The following GSE1 variants were observed in gnomAD, a reference collection of about 807,000 sequenced individuals.
GSE1 encodes Gse1 coiled-coil protein.
GSE1 carries 32 observed loss-of-function variants against 112.6 expected under a neutral mutation model. That is an observed-to-expected ratio of 0.28 (90% CI 0.21 to 0.38). GSE1 has a LOEUF of 0.38. Among genes scored for constraint, GSE1 ranks in the 10% least tolerant of loss-of-function variants. The pLI, the probability that GSE1 is intolerant of heterozygous loss-of-function variation, is 1.00. For missense variants in GSE1, 2,348 were observed against 1,699.2 expected, an observed-to-expected ratio of 1.38 and a Z score of -6.71; for synonymous variants, 1,115 against 735.6, an observed-to-expected ratio of 1.52 and a Z score of -8.35.
chr16:85,303,304 G>A (rs2151464991), intron 1 of GSE1, among the ~76,000 whole-genome samples: 1 of 152,352 alleles, frequency 6.6e-6, no homozygotes, highest in African/African-American at 2.4e-5. Context: ...CCCCAGTCAT[G>A]CTGAGGTCAG....
chr16:85,474,479 G>C (rs2050391457), intron 2 of GSE1, among the ~76,000 whole-genome samples: 1 of 152,106 alleles, frequency 6.6e-6, no homozygotes, highest in Non-Finnish European at 1.5e-5. Context: ...CCCCGGCGGG[G>C]AGTCACATTT....
chr16:85,306,409 A>T (rs1162065277), intron 1 of GSE1: 3 of 153,292 alleles, frequency 2.0e-5, no homozygotes, highest in Non-Finnish European at 4.4e-5. Context: ...GGGCGTGGTC[A>T]CATGGTCGTT....
intron 1 of GSE1, among the ~76,000 whole-genome samples, chr16:85,174,795 G>T (rs1390904987): frequency 2.6e-5 from 4 of 152,248 alleles, no homozygotes; most frequent in Non-Finnish European, 4.4e-5. Flanking sequence ...GAGAGCTGGG[G>T]CTCCGGGCAG....
At chr16:85,299,796 C>A (rs2045468458) in intron 1 of GSE1, among the ~76,000 whole-genome samples, 2 of 151,836 alleles carry the variant, frequency 1.3e-5, no homozygotes. Flanking sequence ...AAAATTTAGC[C>A]AAGTGTGGTG....
rs8059362 is a variant in GSE1 at position 85,264,155 on chromosome 16, G to A, written c.2283+92348G>A. Among the ~76,000 whole-genome samples, 14 of 152,212 alleles carry A rather than the reference G, an allele frequency of 9.2e-5. 1 individual carries two copies. In the South Asian group the frequency reaches 2.9e-3, roughly 32 times the overall value. ...TTATGGGGCACAACCTGTTGTGGGAGGGTGGGGGGCAGCTGGAGCTTGGAG... is the reference window on the plus strand; with the variant it reads ...TTATGGGGCACAACCTGTTGTGGGAAGGTGGGGGGCAGCTGGAGCTTGGAG... On this transcript the variant is annotated intron_variant, in intron 1 of 2. Coordinates refer to the GSE1 transcript ENST00000637419.
At chr16:85,255,627 A>T (rs1382005239) in intron 1 of GSE1, among the ~76,000 whole-genome samples, 1 of 149,938 alleles carries the variant, frequency 6.7e-6, no homozygotes, top group African/African-American at 2.5e-5. Context: ...CTGGTGTCGA[A>T]CTCCTGACCT....
At chr16:85,177,974 C>T (rs990449244) in intron 1 of GSE1, among the ~76,000 whole-genome samples, 2 of 152,188 alleles carry the variant, frequency 1.3e-5, no homozygotes, top group Non-Finnish European at 2.9e-5. Context: ...ACTAACTGAA[C>T]AACGTGTGTC....
chr16:85,231,899 G>C (rs965925168), intron 1 of GSE1, among the ~76,000 whole-genome samples: 1 of 152,248 alleles, frequency 6.6e-6, no homozygotes, highest in African/African-American at 2.4e-5. Context: ...CATGGTGCTG[G>C]CCTCTGGGGA....
intron 1 of GSE1, among the ~76,000 whole-genome samples, chr16:85,214,730 C>T (rs1341190845): frequency 1.3e-5 from 2 of 152,278 alleles, no homozygotes; most frequent in South Asian, 2.1e-4. Flanking sequence ...GGGGTGCAGG[C>T]GACTAGAGCC....
chr16:85,243,728 G>A (rs12924184), intron 1 of GSE1, among the ~76,000 whole-genome samples: 11,687 of 152,248 alleles, frequency 0.077, 758 homozygotes, highest in African/African-American at 0.18. Flanking sequence ...ATGTGTGGAC[G>A]CGTGGCAGAT....
intron 2 of GSE1, among the ~76,000 whole-genome samples, chr16:85,531,890 T>TC (rs1285036667): frequency 6.6e-6 from 1 of 152,072 alleles, no homozygotes; most frequent in Non-Finnish European, 1.5e-5. Flanking sequence ...TTTTGGCTGA[T>TC]TGAGGCTCTC....
intron 2 of GSE1, among the ~76,000 whole-genome samples, chr16:85,642,709 C>G (rs1288424830): frequency 6.6e-6 from 1 of 152,252 alleles, no homozygotes; most frequent in Non-Finnish European, 1.5e-5. Flanking sequence ...CCGTTCTGTT[C>G]TCTCCACCGT....
intron 2 of GSE1, among the ~76,000 whole-genome samples, chr16:85,438,872 C>T (rs1055542418): frequency 6.6e-6 from 1 of 152,194 alleles, no homozygotes; most frequent in Admixed American, 6.5e-5. Flanking sequence ...CCGTACTGAC[C>T]ACTGCGTCCT....
In GSE1 at chr16:85,634,046, G is replaced by C; in HGVS notation, c.140G>C (p.Ser47Thr). The part of the protein sequence containing the change: ...ALVPSGSPAT[S>T]SALSAQAAPS... ...GTGCCCAGCGGCAGCCCCGCCACCAGCAGCGCGCTGTCGGCCCAGGCCGCG... is the reference window on the plus strand; with the variant it reads ...GTGCCCAGCGGCAGCCCCGCCACCACCAGCGCGCTGTCGGCCCAGGCCGCG... The change falls in exon 2 of 16, where the codon AGC becomes ACC. Residue 47 changes from serine (S) to threonine (T), a missense_variant. Transcript: ENST00000253458. 6.2e-7 allele frequency: 1 copy of C among 1,609,722 alleles called. No individual in the cohort carries two copies. Among genetic ancestry groups the C allele is most frequent in the Non-Finnish European group, 8.5e-7 (1 of 1,178,182 alleles).
rs935767209 is a variant in GSE1, at chr16:85,373,408, AG to A, written c.2464+15766del. On this transcript the variant is annotated intron_variant, in intron 2 of 2. Transcript: ENST00000637419. The surrounding 1 kb of genome is among the most constrained non-coding windows in gnomAD (Gnocchi z 5.1). ...TCAAACAGACAAAAAATGGAAAGAA[AG>A]CAAGGGAGGGAAGAGCAGAGGAGGG... is the stretch of plus-strand genomic sequence containing the variant. 3.9e-5 allele frequency among the ~76,000 whole-genome samples: 6 copies of A among 152,158 alleles called. No homozygotes were observed. The highest frequency in any genetic ancestry group is 1.4e-4 in the African/African-American group (6 of 41,440).
At position 85,293,190 on chromosome 16, in the gene GSE1, T is replaced by G. The variant is rs147450347; in HGVS notation, c.2284-64273T>G. Among the ~76,000 whole-genome samples, 32 of 152,200 alleles carry G rather than the reference T, an allele frequency of 2.1e-4. 1 individual carries two copies. In the East Asian group the frequency reaches 6.0e-3, roughly 28 times the overall value. On this transcript the variant is annotated intron_variant, in intron 1 of 2. Coordinates refer to the GSE1 transcript ENST00000637419. The stretch of plus-strand genomic sequence containing the variant: ...TGTACTTTTTCTGTTAGTGATTGGA[T>G]GAGTGATAGGCCTGTGGTAGTGTCC...
At chr16:85,569,234 A>G (rs2151320917) in intron 1 of GSE1, among the ~76,000 whole-genome samples, 1 of 152,260 alleles carries the variant, frequency 6.6e-6, no homozygotes, top group South Asian at 2.1e-4. Context: ...CGCTGAGCCC[A>G]GGTGTCTGGG....
chr16:85,597,962 A>G (rs546378363), intron 1 of GSE1, among the ~76,000 whole-genome samples: 1 of 152,064 alleles, frequency 6.6e-6, no homozygotes, highest in Non-Finnish European at 1.5e-5. Flanking sequence ...GGGTATTCAG[A>G]AGGGTGTCCT....
At chr16:85,405,086 GGCC>G (rs1567741530) in intron 2 of GSE1, among the ~76,000 whole-genome samples, 1 of 2,810 alleles carries the variant, frequency 3.6e-4, no homozygotes, top group Non-Finnish European at 1.1e-3. Context: ...TTACACTCAG[GGCC>G]CCCCCGGATA....
Sources: allele counts gnomAD v4.1 joint callset (sites outside exome capture counted in the v4.1 genomes callset), GRCh38; gene constraint gnomAD v4.1.1; non-coding constraint Gnocchi (gnomAD v3.1); transcripts MANE v1.5; gene names NCBI Gene and HGNC (gene_info 2026-07-23, HGNC 2026-07-21).